The following LIPC variants were observed in gnomAD, a reference collection of about 807,000 sequenced individuals.
The protein encoded by LIPC is lipase C, hepatic type, also known as hepatic triacylglycerol lipase.
A neutral mutation model predicts 50.7 loss-of-function variants in LIPC; 44 were observed. The observed-to-expected ratio is 0.87, with a 90% CI of 0.68 to 1.11. LIPC has a LOEUF of 1.11. Ranked by LOEUF, LIPC falls within the 50% of genes most tolerant of loss-of-function variation. The probability of loss-of-function intolerance (pLI) is 0.00; values close to 1 mark genes in which losing one functional copy is unlikely to be tolerated. For synonymous variants in LIPC, 271 were observed against 256.4 expected (o/e 1.06, Z -0.54); for missense variants, 697 against 648.2 (o/e 1.08, Z -0.82).
At chr15:58,438,051 G>A (rs1471463456) in intron 1 of LIPC, among the ~76,000 whole-genome samples, 1 of 152,146 alleles carries the variant, frequency 6.6e-6, no homozygotes, top group Admixed American at 6.5e-5. Context: ...AGGGCTGACG[G>A]TTGAAGGCAT....
At chr15:58,506,497 G>A (rs1892152223) in intron 1 of LIPC, among the ~76,000 whole-genome samples, 1 of 152,180 alleles carries the variant, frequency 6.6e-6, no homozygotes, top group South Asian at 2.1e-4. Flanking sequence ...GCACAGCAAA[G>A]GTGGCCCAAA....
At chr15:58,462,676 C>T (rs74418658) in intron 1 of LIPC, among the ~76,000 whole-genome samples, 13 of 152,280 alleles carry the variant, frequency 8.5e-5, no homozygotes, top group Non-Finnish European at 1.5e-4. Context: ...CCTGTCAGCT[C>T]GGTTTGCTCA....
intron 4 of LIPC, among the ~76,000 whole-genome samples, chr15:58,543,207 A>C (rs1467722548): frequency 6.6e-6 from 1 of 152,152 alleles, no homozygotes; most frequent in African/African-American, 2.4e-5. Context: ...CCTTCCTCCC[A>C]GGCTTCCGTG....
intron 1 of LIPC, among the ~76,000 whole-genome samples, chr15:58,528,414 G>T (rs1329011783): frequency 1.3e-5 from 2 of 152,190 alleles, no homozygotes; most frequent in East Asian, 1.9e-4. Context: ...TTATTATATA[G>T]TTGAGACACA....
At position 58,467,808 on chromosome 15, in the gene LIPC, G is replaced by A. The variant is rs142857594; in HGVS notation, c.88+35688G>A. Among the ~76,000 whole-genome samples, 186 of 152,240 alleles carry A rather than the reference G, an allele frequency of 1.2e-3. 2 individuals are homozygous for A. The highest frequency in any genetic ancestry group is 3.8e-3 in the African/African-American group (157 of 41,520). On this transcript the variant is annotated intron_variant, in intron 1 of 8. Coordinates refer to ENST00000299022, the MANE Select transcript of LIPC (RefSeq NM_000236.3). ...GTATCCCTTACATCAAATCCTGTCCGCCGCTTAGAAAAACCACAGCTAAAA... is the reference window on the plus strand; with the variant it reads ...GTATCCCTTACATCAAATCCTGTCCACCGCTTAGAAAAACCACAGCTAAAA...
At chr15:58,450,732 G>C (rs1320780866) in intron 1 of LIPC, among the ~76,000 whole-genome samples, 1 of 152,094 alleles carries the variant, frequency 6.6e-6, no homozygotes, top group African/African-American at 2.4e-5. Flanking sequence ...TTGCCACCGG[G>C]ATGCTTTGCT....
rs188792816 is a variant in LIPC at position 58,436,422 on chromosome 15, T to C, written c.88+4302T>C. On this transcript the variant is annotated intron_variant, in intron 1 of 8. Coordinates refer to ENST00000299022, the MANE Select transcript of LIPC (RefSeq NM_000236.3). ...GAGTTGTAACATCTTGTTTGATAGG[T>C]AAAAATTTGGACTCATACGAAAAAT... 1.2e-3 allele frequency: 286 copies of C among 244,922 alleles called. 1 individual carries two copies. The highest frequency in any genetic ancestry group is 6.3e-3 in the African/African-American group (275 of 43,954). 15.2% of individuals were successfully genotyped at this position (244,922 alleles called of 1,614,324 possible).
intron 1 of LIPC, among the ~76,000 whole-genome samples, chr15:58,537,344 G>T (rs1163459501): frequency 1.3e-5 from 2 of 152,174 alleles, no homozygotes; most frequent in Non-Finnish European, 2.9e-5. Flanking sequence ...TCATAGTGAG[G>T]CTCCCCCAGA....
At chr15:58,490,141 G>A (rs1032860357) in intron 1 of LIPC, among the ~76,000 whole-genome samples, 3 of 152,152 alleles carry the variant, frequency 2.0e-5, no homozygotes, top group South Asian at 2.1e-4. Flanking sequence ...AATGAGTCTC[G>A]AGATGTTTAG....
intron 8 of LIPC, chr15:58,566,116 G>C: frequency 5.1e-6 from 5 of 975,608 alleles, no homozygotes; most frequent in Non-Finnish European, 6.1e-6. Flanking sequence ...CTGATGTTCT[G>C]CATTTCTAAC....
intron 1 of LIPC, among the ~76,000 whole-genome samples, chr15:58,534,180 T>C (rs896260463): frequency 3.3e-5 from 5 of 152,198 alleles, no homozygotes; most frequent in Non-Finnish European, 4.4e-5. Flanking sequence ...AGTTTGGCCT[T>C]GCTGAGTCTG....
chr15:58,559,357 A>G (rs1329908998), intron 6 of LIPC, among the ~76,000 whole-genome samples: 3 of 152,330 alleles, frequency 2.0e-5, no homozygotes, highest in Admixed American at 1.3e-4. Context: ...TTAAGCACCT[A>G]CTGTGTGCAA....
At chr15:58,488,650 C>T (rs1240535431) in intron 1 of LIPC, among the ~76,000 whole-genome samples, 3 of 152,222 alleles carry the variant, frequency 2.0e-5, no homozygotes, top group Non-Finnish European at 1.5e-5. Context: ...AGGCATGGGG[C>T]ATTCAGCACA....
intron 1 of LIPC, among the ~76,000 whole-genome samples, chr15:58,448,874 G>A (rs1173968405): frequency 6.6e-6 from 1 of 152,204 alleles, no homozygotes; most frequent in Non-Finnish European, 1.5e-5. Flanking sequence ...ACAGAACAGA[G>A]AGTGGGGGCC....
chr15:58,534,339 A>G (rs1029005670), intron 1 of LIPC, among the ~76,000 whole-genome samples: 1 of 152,166 alleles, frequency 6.6e-6, no homozygotes, highest in African/African-American at 2.4e-5. Flanking sequence ...AGGATGCCCA[A>G]GTGTCCTAAG....
intron 1 of LIPC, among the ~76,000 whole-genome samples, chr15:58,498,902 G>T (rs769014889): frequency 3.9e-5 from 6 of 152,190 alleles, no homozygotes; most frequent in Non-Finnish European, 8.8e-5. Flanking sequence ...GATACATGAG[G>T]GGGTTGTTTA....
At chr15:58,564,540 C>T (rs1287478251) in intron 8 of LIPC, among the ~76,000 whole-genome samples, 7 of 151,750 alleles carry the variant, frequency 4.6e-5, no homozygotes, top group African/African-American at 1.7e-4. Context: ...CCAGCCTGGC[C>T]GACATGGTGA....
Position 58,432,049 on chromosome 15 carries a change from T to G in LIPC, c.17T>G (p.Leu6Arg). MDTSP[L>R]CFSILLVLCI... ...AACGGAGAAATGGACACAAGTCCCC[T>G]GTGTTTCTCCATTCTGTTGGTTTTA... Residue 6 changes from leucine to arginine, a missense_variant, in exon 1 of 9, where the codon CTG (leucine) becomes CGG (arginine). Transcript: ENST00000299022. The G allele has an allele frequency of 2.5e-6, 4 of 1,613,860 alleles. No homozygotes were observed. The highest frequency in any genetic ancestry group is 3.4e-6 in the Non-Finnish European group (4 of 1,179,736).
intron 1 of LIPC, among the ~76,000 whole-genome samples, chr15:58,495,752 G>T (rs926850486): frequency 2.6e-5 from 4 of 152,170 alleles, no homozygotes; most frequent in Admixed American, 1.3e-4. Context: ...CTTTCCCCAT[G>T]AAGAATGTAA....
Sources: gnomAD v4.1 joint callset for allele counts (sites outside exome capture counted in the v4.1 genomes callset) on GRCh38, gnomAD v4.1.1 for gene constraint, MANE v1.5 for transcripts, NCBI Gene and HGNC (gene_info 2026-07-23, HGNC 2026-07-21) for gene names.